The following CSMD1 variants were observed in gnomAD, a reference collection of about 807,000 sequenced individuals.
The protein encoded by CSMD1 is CUB and sushi domain-containing protein 1.
CSMD1 carries 213 observed loss-of-function variants against 417.5 expected under a neutral mutation model. The ratio of observed to expected loss-of-function variants is 0.51; its 90% CI spans 0.46 to 0.57. CSMD1 has a LOEUF of 0.57. Among genes scored for constraint, CSMD1 ranks in the 20% least tolerant of loss-of-function variants. The pLI, the probability that CSMD1 is intolerant of heterozygous loss-of-function variation, is 0.00. For synonymous variants in CSMD1, 2,862 were observed against 1,736.8 expected (o/e 1.65, Z -16.11); for missense variants, 6,923 against 4,529.7 (o/e 1.53, Z -15.17).
At chr8:3,350,067 ATG>A (rs900257094) in intron 21 of CSMD1, among the ~76,000 whole-genome samples, 5 of 142,290 alleles carry the variant, frequency 3.5e-5, no homozygotes, top group African/African-American at 1.3e-4. Context: ...TAACTTGTGT[ATG>A]TGTGTGTTAT....
In CSMD1 at chr8:3,599,524, C is replaced by T. The variant is rs535432179; in HGVS notation, c.1098-13264G>A. 2.2e-4 allele frequency among the ~76,000 whole-genome samples: 34 copies of T among 152,238 alleles called. No individual in the cohort carries two copies. The South Asian group carries it at 3.7e-3, about 17-fold the overall frequency. The stretch of plus-strand genomic sequence containing the variant: ...GTAACCCCAACACAGCATTAGTAAC[C>T]CCAACGCAGCATTGTTAACCCCCAC... On this transcript the variant is annotated intron_variant, in intron 8 of 69. Transcript: ENST00000635120.
chr8:4,149,793 T>C (rs1279487058), intron 3 of CSMD1, among the ~76,000 whole-genome samples: 1 of 152,182 alleles, frequency 6.6e-6, no homozygotes, highest in Non-Finnish European at 1.5e-5. Context: ...TCAGGGAAGG[T>C]CACTTGAGAA....
At chr8:3,394,451 C>G (rs1180869759) in intron 17 of CSMD1, among the ~76,000 whole-genome samples, 2 of 151,910 alleles carry the variant, frequency 1.3e-5, no homozygotes, top group Non-Finnish European at 2.9e-5. Flanking sequence ...CTTCACTTAG[C>G]CTTTGGAACA....
chr8:4,334,171 T>C (rs1800028191), intron 3 of CSMD1, among the ~76,000 whole-genome samples: 1 of 152,116 alleles, frequency 6.6e-6, no homozygotes, highest in Non-Finnish European at 1.5e-5. Flanking sequence ...CTTCCCAAAG[T>C]GCTGGGATTA....
At chr8:4,224,056 C>G (rs1235165161) in intron 3 of CSMD1, among the ~76,000 whole-genome samples, 1 of 152,098 alleles carries the variant, frequency 6.6e-6, no homozygotes, top group Non-Finnish European at 1.5e-5. Context: ...CGTAACCCTA[C>G]TCAAACAGGG....
chr8:3,823,974 T>C (rs1243996761), intron 5 of CSMD1, among the ~76,000 whole-genome samples: 1 of 152,228 alleles, frequency 6.6e-6, no homozygotes, highest in African/African-American at 2.4e-5. Context: ...AGTTTTCAAA[T>C]AGTTCTGAAA....
intron 1 of CSMD1, among the ~76,000 whole-genome samples, chr8:4,657,746 A>G (rs1804335558): frequency 6.6e-6 from 1 of 151,798 alleles, no homozygotes; most frequent in Non-Finnish European, 1.5e-5. Flanking sequence ...TCTCCCTGAA[A>G]AAGCACGGAC....
At chr8:4,326,020 T>A (rs931778483) in intron 3 of CSMD1, among the ~76,000 whole-genome samples, 1 of 152,194 alleles carries the variant, frequency 6.6e-6, no homozygotes, top group Non-Finnish European at 1.5e-5. Flanking sequence ...TGGCTCGCTA[T>A]TTTTAAAGCA....
At chr8:4,280,379 A>C (rs577052603) in intron 3 of CSMD1, among the ~76,000 whole-genome samples, 30 of 152,322 alleles carry the variant, frequency 2.0e-4, no homozygotes, top group African/African-American at 6.5e-4. Context: ...TAGACACGAC[A>C]TGTTTTCTTC....
intron 3 of CSMD1, among the ~76,000 whole-genome samples, chr8:4,170,864 T>C (rs539310830): frequency 4.6e-5 from 7 of 152,028 alleles, no homozygotes; most frequent in African/African-American, 1.7e-4. Flanking sequence ...GTAACATTTT[T>C]ACTCCTTTCC....
At chr8:4,008,760 G>C (rs1003766696) in intron 4 of CSMD1, among the ~76,000 whole-genome samples, 1 of 151,506 alleles carries the variant, frequency 6.6e-6, no homozygotes, top group African/African-American at 2.4e-5. Context: ...ACAGGCATCC[G>C]GCACCACGCC....
intron 3 of CSMD1, among the ~76,000 whole-genome samples, chr8:4,056,289 G>C (rs1376119386): frequency 6.6e-6 from 1 of 151,372 alleles, no homozygotes. Flanking sequence ...CACCATGTTG[G>C]CCTGGCTCGT....
intron 1 of CSMD1, among the ~76,000 whole-genome samples, chr8:4,683,507 C>A (rs974545734): frequency 6.6e-6 from 1 of 152,114 alleles, no homozygotes; most frequent in Non-Finnish European, 1.5e-5. Flanking sequence ...GAGGCTATCC[C>A]ATCTCTGTAA....
chr8:4,446,755 C>CTGTGTGTGTGTGTGTGTGTGTCTGTGTG (rs1798825936), intron 2 of CSMD1, among the ~76,000 whole-genome samples: 42 of 133,000 alleles, frequency 3.2e-4, no homozygotes, highest in African/African-American at 1.1e-3. Flanking sequence ...GTGTGTGTGT[C>CTGTGTGTGTGTGTGTGTGTGTCTGTGTG]TGTGTGTGTG....
Position 3,493,693 on chromosome 8 carries a change from C to G in CSMD1, c.1378G>C (p.Glu460Gln). 7 of 1,611,960 alleles carry G rather than the reference C, an allele frequency of 4.3e-6. No homozygotes were observed. The highest frequency in any genetic ancestry group is 5.9e-6 in the Non-Finnish European group (7 of 1,179,098). Reference sequence around the variant, plus strand: ...ACCGTCAGGGTGTCATAGCCTCGCTCCAGCTCAAACTCTTCAAAGGCAAGC... The same window carrying G: ...ACCGTCAGGGTGTCATAGCCTCGCTGCAGCTCAAACTCTTCAAAGGCAAGC... ...IKLAFEEFEL[E>Q]RGYDTLTVGD... Residue 460 changes from glutamate (E) to glutamine (Q), a missense_variant, in exon 11 of 70, where the codon GAG (glutamate) becomes CAG (glutamine). Transcript: ENST00000635120.
chr8:3,694,838 G>T lies in CSMD1; in HGVS notation c.1009+13576C>A, dbSNP rs561691077. On this transcript the variant is annotated intron_variant, in intron 7 of 69. Coordinates refer to ENST00000635120, the MANE Select transcript of CSMD1 (RefSeq NM_033225.6). ...GGGAACGCGGCAAGGAATGAGCCAG[G>T]ACATGAAGCAATACCGGATCCTAAA... Among the ~76,000 whole-genome samples the T allele has an allele frequency of 5.3e-5, 8 of 152,076 alleles. No individual in the cohort carries two copies. The East Asian group carries it at 1.6e-3, about 30-fold the overall frequency.
Position 3,879,735 on chromosome 8 carries a change from T to C in CSMD1, c.818+118168A>G, listed in dbSNP as rs544198897. Among the ~76,000 whole-genome samples, 5 of 152,304 alleles carry C rather than the reference T, an allele frequency of 3.3e-5. No individual in the cohort carries two copies. In the East Asian group the frequency reaches 7.7e-4, roughly 23 times the overall value. On this transcript the variant is annotated intron_variant, in intron 5 of 69. Transcript: ENST00000635120. Reference sequence around the variant, plus strand: ...ACTCCTAACCTACATAGAAAAAGTGTTGCATGTGGACTAGCACGTTTTTCT... The same window carrying C: ...ACTCCTAACCTACATAGAAAAAGTGCTGCATGTGGACTAGCACGTTTTTCT...
At chr8:4,001,193 G>A (rs1321434491) in intron 4 of CSMD1, among the ~76,000 whole-genome samples, 1 of 152,168 alleles carries the variant, frequency 6.6e-6, no homozygotes, top group Non-Finnish European at 1.5e-5. Context: ...GAATACAAGT[G>A]TATAGAATAA....
At chr8:3,237,323 T>C (rs990608443) in intron 26 of CSMD1, among the ~76,000 whole-genome samples, 5 of 151,414 alleles carry the variant, frequency 3.3e-5, no homozygotes, top group Admixed American at 1.3e-4. Flanking sequence ...AAATATTAGC[T>C]GGTCATGGTG....
Sources: gnomAD v4.1 joint callset for allele counts (sites outside exome capture counted in the v4.1 genomes callset) on GRCh38, gnomAD v4.1.1 for gene constraint, MANE v1.5 for transcripts, NCBI Gene and HGNC (gene_info 2026-07-23, HGNC 2026-07-21) for gene names.